Variants in RNF220 observed in about 807,000 individuals in gnomAD.
RNF220 encodes E3 ubiquitin-protein ligase RNF220.
A neutral mutation model predicts 67.1 loss-of-function variants in RNF220; 7 were observed. The observed-to-expected ratio is 0.10, with a 90% CI of 0.06 to 0.20. The LOEUF is 0.20. Ranked by LOEUF, RNF220 falls within the 10% of genes least tolerant of loss-of-function variation. The pLI, the probability that RNF220 is intolerant of heterozygous loss-of-function variation, is 1.00. For synonymous variants in RNF220, 270 were observed against 283.2 expected (o/e 0.95, Z 0.47); for missense variants, 565 against 740.3 (o/e 0.76, Z 2.75).
intron 2 of RNF220, among the ~76,000 whole-genome samples, chr1:44,424,292 C>T (rs929839966): frequency 6.6e-6 from 1 of 152,106 alleles, no homozygotes; most frequent in African/African-American, 2.4e-5. Context: ...ATCACTTGTG[C>T]TGGTGATAGT....
intron 2 of RNF220, 127 bp from the exon 3 acceptor site, chr1:44,614,038 A>T: frequency 7.9e-7 from 1 of 1,264,608 alleles, no homozygotes; most frequent in East Asian, 2.5e-5. Flanking sequence ...TGAAACCCTC[A>T]GGCCCCTCCT....
chr1:44,534,306 T>TATG (rs1661044221), intron 2 of RNF220, among the ~76,000 whole-genome samples: 1 of 151,394 alleles, frequency 6.6e-6, no homozygotes, highest in Non-Finnish European at 1.5e-5. Flanking sequence ...TTTACATTTC[T>TATG]ATTATTATTA....
chr1:44,497,192 C>T (rs115592328), intron 2 of RNF220, among the ~76,000 whole-genome samples: 1,548 of 152,204 alleles, frequency 0.01, 21 homozygotes, highest in African/African-American at 0.035. Flanking sequence ...CTAGAGGTCC[C>T]GTTAAAACAA....
At chr1:44,587,579 G>C (rs80044752) in intron 2 of RNF220, among the ~76,000 whole-genome samples, 3,345 of 152,250 alleles carry the variant, frequency 0.022, 135 homozygotes, top group African/African-American at 0.076. Flanking sequence ...GAAGAGGGAG[G>C]GGGTGGAATG....
intron 2 of RNF220, among the ~76,000 whole-genome samples, chr1:44,436,883 C>T (rs1469809992): frequency 2.6e-5 from 4 of 152,152 alleles, no homozygotes; most frequent in Non-Finnish European, 4.4e-5. Flanking sequence ...TGGAAGCTGA[C>T]CTTATTTGTT....
At chr1:44,640,721 T>C (rs891308757) in intron 8 of RNF220, among the ~76,000 whole-genome samples, 1 of 152,188 alleles carries the variant, frequency 6.6e-6, no homozygotes, top group African/African-American at 2.4e-5. Context: ...GGCCGATTGA[T>C]TGTCCCGCAT....
At chr1:44,557,371 G>A (rs1159042557) in intron 2 of RNF220, among the ~76,000 whole-genome samples, 8 of 146,016 alleles carry the variant, frequency 5.5e-5, no homozygotes, top group African/African-American at 1.8e-4. Flanking sequence ...AAGGAAAAAA[G>A]GAAGAAAAAG....
intron 2 of RNF220, among the ~76,000 whole-genome samples, chr1:44,483,105 A>G (rs944002444): frequency 1.3e-5 from 2 of 151,452 alleles, no homozygotes; most frequent in Admixed American, 6.6e-5. Flanking sequence ...TACTTTTTCT[A>G]TGTTTTGTAG....
chr1:44,464,239 G>C (rs114359636), intron 2 of RNF220, among the ~76,000 whole-genome samples: 1 of 152,142 alleles, frequency 6.6e-6, no homozygotes, highest in African/African-American at 2.4e-5. Context: ...GAGATTCAGC[G>C]AGTCTAGGCT....
intron 2 of RNF220, among the ~76,000 whole-genome samples, chr1:44,517,817 G>T (rs928894132): frequency 1.3e-5 from 2 of 152,286 alleles, no homozygotes; most frequent in Non-Finnish European, 2.9e-5. Flanking sequence ...ATTTAAATCC[G>T]CCTCTAGGGC....
intron 2 of RNF220, among the ~76,000 whole-genome samples, chr1:44,511,973 A>G (rs942256039): frequency 5.3e-5 from 8 of 149,848 alleles, no homozygotes; most frequent in African/African-American, 1.7e-4. Flanking sequence ...GCCAAACCAC[A>G]CCAAACAGAA....
intron 2 of RNF220, among the ~76,000 whole-genome samples, chr1:44,561,924 A>G (rs947476233): frequency 1.3e-5 from 2 of 152,044 alleles, no homozygotes; most frequent in Non-Finnish European, 2.9e-5. Flanking sequence ...CTCAAAAGAG[A>G]GAGAGAGAGA....
intron 3 of RNF220, 110 bp downstream of exon 3, chr1:44,614,407 C>A: frequency 8.2e-7 from 1 of 1,217,370 alleles, no homozygotes; most frequent in Non-Finnish European, 1.1e-6. Flanking sequence ...CGGGAAAAGA[C>A]AGGACCCTGC....
intron 2 of RNF220, among the ~76,000 whole-genome samples, chr1:44,474,895 A>G (rs145813944): frequency 3.2e-4 from 48 of 152,302 alleles, no homozygotes; most frequent in African/African-American, 1.1e-3. Flanking sequence ...TGAGCATCCA[A>G]GTGTTTTGGT....
At chr1:44,593,899 A>T (rs1666284057) in intron 2 of RNF220, among the ~76,000 whole-genome samples, 2 of 152,014 alleles carry the variant, frequency 1.3e-5, no homozygotes, top group South Asian at 4.2e-4. Flanking sequence ...AGCCTGGCCA[A>T]CATGGTGAAA....
chr1:44,527,813 C>T (rs569230634), intron 2 of RNF220, among the ~76,000 whole-genome samples: 7 of 148,198 alleles, frequency 4.7e-5, no homozygotes, highest in Middle Eastern at 3.5e-3. Context: ...GTAGTCCCAG[C>T]TACTTGAGAG....
chr1:44,497,368 G>A (rs1657433620), intron 2 of RNF220, among the ~76,000 whole-genome samples: 1 of 148,696 alleles, frequency 6.7e-6, no homozygotes, highest in Non-Finnish European at 1.5e-5. Context: ...CACACACAGA[G>A]TATTGCATTG....
chr1:44,571,055 CAG>C (rs1278636097), intron 2 of RNF220, among the ~76,000 whole-genome samples: 2 of 150,258 alleles, frequency 1.3e-5, no homozygotes, highest in African/African-American at 4.9e-5. Context: ...ACCTGGGTGA[CAG>C]AGAGAGACTC....
chr1:44,531,209 G>C (rs1163896743), intron 2 of RNF220, among the ~76,000 whole-genome samples: 1 of 152,090 alleles, frequency 6.6e-6, no homozygotes, highest in Non-Finnish European at 1.5e-5. Flanking sequence ...GGTAAATCCG[G>C]GGTCCTCCAG....
Sources: gnomAD v4.1 joint callset for allele counts (sites outside exome capture counted in the v4.1 genomes callset) on GRCh38, gnomAD v4.1.1 for gene constraint, MANE v1.5 for transcripts, NCBI Gene and HGNC (gene_info 2026-07-23, HGNC 2026-07-21) for gene names.